CAMSAP1: variants seen among roughly 807,000 people sequenced by gnomAD.
CAMSAP1 encodes the protein calmodulin-regulated spectrin-associated protein 1.
A neutral mutation model predicts 143.5 loss-of-function variants in CAMSAP1; 58 were observed. The observed-to-expected ratio is 0.40, with a 90% CI of 0.33 to 0.50. The LOEUF (loss-of-function observed/expected upper bound fraction) is 0.50, where lower values mean the gene tolerates loss of function less well. CAMSAP1 is among the 20% of genes least tolerant of loss of function. The pLI is 0.45. For missense variants in CAMSAP1, 1,969 were observed against 2,115.7 expected, an observed-to-expected ratio of 0.93 and a Z score of 1.36; for synonymous variants, 945 against 859.3, an observed-to-expected ratio of 1.10 and a Z score of -1.74.
At chr9:135,850,298 G>A in intron 6 of CAMSAP1, 24 bp downstream of exon 6, 1 of 1,610,448 alleles carries the variant, frequency 6.2e-7, no homozygotes, top group South Asian at 1.1e-5. Context: ...TTTTAAAACT[G>A]CATGCCAAAT....
Position 135,822,181 on chromosome 9 carries a change from C to T in CAMSAP1, c.2480G>A (p.Ser827Asn), listed in dbSNP as rs767757318. Residue 827 changes from serine (S) to asparagine (N), a missense_variant, in exon 11 of 17, where the codon AGC (serine) becomes AAC (asparagine). This residue lies in a region of CAMSAP1 where 1,390 missense variants were observed against 1,420.8 expected (regional missense o/e 0.98). Coordinates refer to ENST00000389532, the MANE Select transcript of CAMSAP1 (RefSeq NM_015447.4). This position sits in a 1 kb window ranked among gnomAD's most constrained non-coding sequence, Gnocchi z 6.1. ...GCTGGTGCTGGACTTGGTCTCACAG[C>T]TGTTGAGTCTCTGGAGCTTCCTCTC... ...FAERKLQRLN[S>N]CETKSSTSSS... is the part of the protein sequence containing the mutation. 3.1e-6 allele frequency: 5 copies of T among 1,613,770 alleles called. No homozygotes were observed. In the Admixed American group the frequency reaches 5.0e-5, roughly 16 times the overall value.
intron 1 of CAMSAP1, among the ~76,000 whole-genome samples, chr9:135,893,490 T>C (rs1838353315): frequency 6.6e-6 from 1 of 152,170 alleles, no homozygotes; most frequent in Non-Finnish European, 1.5e-5. Context: ...AATTTAACTT[T>C]ATACAATGGG....
intron 1 of CAMSAP1, among the ~76,000 whole-genome samples, chr9:135,897,949 A>G (rs1247582408): frequency 6.6e-6 from 1 of 152,192 alleles, no homozygotes; most frequent in Non-Finnish European, 1.5e-5. Flanking sequence ...ATCAAAGGAA[A>G]TTTTTAAAAA....
rs1837234864 is a variant in CAMSAP1 at position 135,862,514 on chromosome 9, A to T, written c.761T>A (p.Leu254His). The change falls in exon 5 of 17, where the codon CTC (leucine) becomes CAC (histidine). Residue 254 changes from leucine to histidine, a missense_variant. Leu to His is a moderately conservative substitution (Grantham distance 99). Transcript: ENST00000389532. ...LMRDGSDGAA[L>H]LAVIHYYCPE... The stretch of plus-strand genomic sequence containing the variant: ...GCAATAATAGTGAATCACAGCTAAG[A>T]GAGCAGCACCATCACTGCCGTCTCT... 1 of 1,551,626 alleles carries T rather than the reference A, an allele frequency of 6.4e-7. No homozygotes were observed. Among genetic ancestry groups the T allele is most frequent in the Non-Finnish European group, 8.7e-7 (1 of 1,147,014 alleles).
chr9:135,883,884 A>G (rs1478302620), intron 1 of CAMSAP1, among the ~76,000 whole-genome samples: 4 of 152,186 alleles, frequency 2.6e-5, no homozygotes, highest in Non-Finnish European at 5.9e-5. Flanking sequence ...AGCCTACTGT[A>G]TACTTCCGGC....
In CAMSAP1 at chr9:135,901,319, T is replaced by C. The variant is rs116142974; in HGVS notation, c.160+5681A>G. Among the ~76,000 whole-genome samples, 1,033 of 152,206 alleles carry C rather than the reference T, an allele frequency of 6.8e-3. 6 individuals carry two copies. Among genetic ancestry groups the C allele is most frequent in the African/African-American group, 0.022 (930 of 41,524 alleles). ...GACAGGCAAGTCCATCTGGGCACAG[T>C]GGACTAACTCACTCACTCATACCTG... On this transcript the variant is annotated intron_variant, in intron 1 of 16. Transcript: ENST00000389532.
intron 7 of CAMSAP1, among the ~76,000 whole-genome samples, chr9:135,830,576 G>T (rs1325037590): frequency 2.0e-5 from 3 of 152,168 alleles, no homozygotes; most frequent in African/African-American, 7.2e-5. Flanking sequence ...CAGAAATACA[G>T]TAATAGCAGA....
chr9:135,865,453 G>A (rs1300696617), intron 4 of CAMSAP1: 1 of 1,322,212 alleles, frequency 7.6e-7, no homozygotes, highest in African/African-American at 1.5e-5. Flanking sequence ...CTTCCCCACG[G>A]CGTTTACACG....
At chr9:135,833,324 G>A (rs1334278158) in intron 7 of CAMSAP1, among the ~76,000 whole-genome samples, 6 of 152,000 alleles carry the variant, frequency 3.9e-5, no homozygotes, top group Admixed American at 6.5e-5. Context: ...CTCGTGATCC[G>A]CCCGCCTCGG....
intron 3 of CAMSAP1, among the ~76,000 whole-genome samples, chr9:135,872,716 T>C (rs1368439850): frequency 6.6e-6 from 1 of 152,202 alleles, no homozygotes; most frequent in Non-Finnish European, 1.5e-5. Flanking sequence ...CACATCCACA[T>C]TAAATGAAGT....
chr9:135,832,250 C>T lies in CAMSAP1; in HGVS notation c.1046-4666G>A, dbSNP rs187363461. Reference sequence around the variant, plus strand: ...TTAAGTGGAATTCCTCCCTGAAATGCCAGGTTGGTTCAACAAAGACAAATC... The same window carrying T: ...TTAAGTGGAATTCCTCCCTGAAATGTCAGGTTGGTTCAACAAAGACAAATC... On this transcript the variant is annotated intron_variant, in intron 7 of 16. Coordinates refer to ENST00000389532, the MANE Select transcript of CAMSAP1 (RefSeq NM_015447.4). Among the ~76,000 whole-genome samples the T allele has an allele frequency of 1.2e-3, 180 of 152,236 alleles. 2 individuals carry two copies. In the Middle Eastern group the frequency reaches 0.024, roughly 20 times the overall value.
chr9:135,833,078 C>CTTTT (rs56081448), intron 7 of CAMSAP1, among the ~76,000 whole-genome samples: 2 of 96,528 alleles, frequency 2.1e-5, no homozygotes, highest in Admixed American at 1.2e-4. Context: ...CCACAGTAAT[C>CTTTT]TTTTTTTTTT....
intron 5 of CAMSAP1, among the ~76,000 whole-genome samples, chr9:135,853,647 T>C (rs1266837197): frequency 3.9e-5 from 6 of 152,238 alleles, no homozygotes; most frequent in Non-Finnish European, 8.8e-5. Context: ...TACTCCCAAA[T>C]GCCTCCCAGT....
At chr9:135,863,402 T>C (rs1837266981) in intron 4 of CAMSAP1, among the ~76,000 whole-genome samples, 1 of 152,242 alleles carries the variant, frequency 6.6e-6, no homozygotes, top group Admixed American at 6.5e-5. Context: ...ACTGGTGTTT[T>C]CTGCATTAAC....
At position 135,871,828 on chromosome 9, in the gene CAMSAP1, C is replaced by A. The variant is rs571106534; in HGVS notation, c.586-5292G>T. Reference sequence around the variant, plus strand: ...AATTTATAAAGAGGTCCTGGCCAGGCGTGGTGGCTCACGCCTGTAATCCCA... The same window carrying A: ...AATTTATAAAGAGGTCCTGGCCAGGAGTGGTGGCTCACGCCTGTAATCCCA... On this transcript the variant is annotated intron_variant, in intron 3 of 16. Coordinates refer to ENST00000389532, the MANE Select transcript of CAMSAP1 (RefSeq NM_015447.4). Among the ~76,000 whole-genome samples, 46 of 151,994 alleles carry A rather than the reference C, an allele frequency of 3.0e-4. No homozygotes were observed. In the South Asian group the frequency reaches 9.2e-3, roughly 30 times the overall value.
In CAMSAP1 at chr9:135,883,061, G is replaced by A; in HGVS notation, c.178C>T (p.Leu60Phe). Residue 60 changes from leucine to phenylalanine, a missense_variant, in exon 2 of 17, where the codon CTC becomes TTC. Physicochemically the swap from Leu to Phe is conservative, Grantham distance 22. Coordinates refer to ENST00000389532, the MANE Select transcript of CAMSAP1 (RefSeq NM_015447.4). ...AYGRDNIPED[L>F]RDPFYVDQYE... is the part of the protein sequence containing the mutation. ...TGGTCAACGTAGAAAGGGTCTCTGAGGTCCTCAGGGATGTTATCTAAGACA... is the reference window on the plus strand; with the variant it reads ...TGGTCAACGTAGAAAGGGTCTCTGAAGTCCTCAGGGATGTTATCTAAGACA... The A allele has an allele frequency of 6.4e-7, 1 of 1,551,716 alleles. No individual in the cohort carries two copies. Among genetic ancestry groups the A allele is most frequent in the Non-Finnish European group, 8.7e-7 (1 of 1,147,004 alleles).
intron 11 of CAMSAP1, 65 bp from the exon 12 acceptor site, chr9:135,819,211 C>A: frequency 6.6e-7 from 1 of 1,525,436 alleles, no homozygotes; most frequent in Middle Eastern, 1.7e-4. Flanking sequence ...CGGCCGCACT[C>A]GACCCAGCAG....
intron 8 of CAMSAP1, 105 bp downstream of exon 8, chr9:135,827,302 C>G: frequency 6.0e-6 from 7 of 1,169,720 alleles, no homozygotes; most frequent in Non-Finnish European, 8.0e-6. Flanking sequence ...TAAGCGAATA[C>G]AAATTGCTTA....
chr9:135,836,324 A>G (rs1836035442), intron 7 of CAMSAP1: 2 of 980,462 alleles, frequency 2.0e-6, no homozygotes, highest in Non-Finnish European at 2.4e-6. Flanking sequence ...ACACGTCACC[A>G]CGCGCCTTCT....
Sources: gnomAD v4.1 joint callset for allele counts (sites outside exome capture counted in the v4.1 genomes callset) on GRCh38, gnomAD v4.1.1 for gene constraint, gnomAD v4.1.1 regional missense constraint, Gnocchi (gnomAD v3.1) non-coding constraint, MANE v1.5 for transcripts, NCBI Gene and HGNC (gene_info 2026-07-23, HGNC 2026-07-21) for gene names.